SUGCT: variants seen among roughly 807,000 people sequenced by gnomAD.
The protein encoded by SUGCT is succinyl-CoA:glutarate-CoA transferase.
In SUGCT, 41 loss-of-function variants were observed where a neutral mutation model predicts 55.0. The ratio of observed to expected loss-of-function variants is 0.74; its 90% CI spans 0.58 to 0.97. The LOEUF is 0.97. Among genes scored for constraint, SUGCT ranks in the 50% least tolerant of loss-of-function variants. The pLI, the probability that SUGCT is intolerant of heterozygous loss-of-function variation, is 0.00. For synonymous variants in SUGCT, 187 were observed against 200.4 expected (o/e 0.93, Z 0.56); for missense variants, 568 against 547.8 (o/e 1.04, Z -0.37).
At chr7:40,490,562 G>A (rs978848077) in intron 11 of SUGCT, among the ~76,000 whole-genome samples, 1 of 152,118 alleles carries the variant, frequency 6.6e-6, no homozygotes. Context: ...GTTTTTTGGT[G>A]CAATAGGATG....
the SUGCT span, among the ~76,000 whole-genome samples, chr7:40,930,353 G>A: frequency 1.7e-4 from 26 of 152,274 alleles, no homozygotes; most frequent in Middle Eastern, 3.4e-3. Flanking sequence ...GTTAAGTAGC[G>A]TGATGCCTCC....
rs567138280 is a variant in SUGCT, at chr7:40,161,263, T to A, written c.101-19684T>A. Among the ~76,000 whole-genome samples the A allele has an allele frequency of 4.6e-5, 7 of 152,284 alleles. No homozygotes were observed. The East Asian group carries it at 1.2e-3, about 25-fold the overall frequency. ...AAACAAAATCAAATCATAAAACAAA[T>A]CTCTCACATATGTATCGCCCCCACG... On this transcript the variant is annotated intron_variant, in intron 1 of 13. Coordinates refer to ENST00000335693, the MANE Select transcript of SUGCT (RefSeq NM_001193313.2).
rs573461460 is a variant in SUGCT at position 40,575,335 on chromosome 7, AAAC to A, written c.1089+78967_1089+78969del. ...TAATTTCTTACCAACGTTATTTAAA[AAAC>A]AACAACAACAACAACAAAAAACTAA... On this transcript the variant is annotated intron_variant, in intron 12 of 13. Coordinates refer to ENST00000335693, the MANE Select transcript of SUGCT (RefSeq NM_001193313.2). Among the ~76,000 whole-genome samples the A allele has an allele frequency of 1.9e-4, 29 of 152,256 alleles. 1 individual carries two copies. Among genetic ancestry groups the A allele is most frequent in the Non-Finnish European group, 2.9e-4 (20 of 68,000 alleles).
chr7:40,667,190 G>A (rs1273063987), intron 12 of SUGCT, among the ~76,000 whole-genome samples: 1 of 151,168 alleles, frequency 6.6e-6, no homozygotes, highest in Non-Finnish European at 1.5e-5. Context: ...AACATTTTAT[G>A]TGTCTATTTA....
the SUGCT span, among the ~76,000 whole-genome samples, chr7:40,875,568 A>G: frequency 6.6e-6 from 1 of 152,292 alleles, no homozygotes; most frequent in South Asian, 2.1e-4. Flanking sequence ...CTAGAAATCA[A>G]CCTGAAGTGA....
chr7:40,183,227 C>T (rs867365292), intron 3 of SUGCT, among the ~76,000 whole-genome samples: 4 of 152,284 alleles, frequency 2.6e-5, no homozygotes, highest in South Asian at 2.1e-4. Flanking sequence ...GAGCCGAGGT[C>T]GTGCCACTGC....
intron 9 of SUGCT, among the ~76,000 whole-genome samples, chr7:40,376,501 C>T (rs1784551953): frequency 6.6e-6 from 1 of 151,918 alleles, no homozygotes; most frequent in African/African-American, 2.4e-5. Context: ...AAGCGATTCT[C>T]CTGCCTCAGC....
chr7:40,684,009 G>A (rs1784361388), intron 12 of SUGCT: 1 of 1,608,822 alleles, frequency 6.2e-7, no homozygotes, highest in Admixed American at 1.7e-5. Context: ...TCAAATCCTT[G>A]TGGTTGTATG....
chr7:40,674,421 T>C (rs981296191), intron 12 of SUGCT, among the ~76,000 whole-genome samples: 1 of 152,214 alleles, frequency 6.6e-6, no homozygotes, highest in Non-Finnish European at 1.5e-5. Flanking sequence ...TTTTATGAAA[T>C]GTCCTTCCCT....
rs932620004 is a variant in SUGCT at position 40,350,927 on chromosome 7, G to A, written c.816+34072G>A. Among the ~76,000 whole-genome samples, 88 of 152,076 alleles carry A rather than the reference G, an allele frequency of 5.8e-4. No homozygotes were observed. In the Middle Eastern group the frequency reaches 0.017, roughly 29 times the overall value. ...CTTGTGTTAGTTTGCGGAGAATGAT[G>A]GGTTCCAGTTTCATCCATGTCCCAG... On this transcript the variant is annotated intron_variant, in intron 9 of 13. Coordinates refer to ENST00000335693, the MANE Select transcript of SUGCT (RefSeq NM_001193313.2).
intron 1 of SUGCT, among the ~76,000 whole-genome samples, chr7:40,155,904 C>G (rs1017267057): frequency 2.0e-5 from 3 of 148,128 alleles, no homozygotes; most frequent in African/African-American, 7.5e-5. Flanking sequence ...GTAGCCCAGG[C>G]TAGAGTGCAG....
intron 9 of SUGCT, among the ~76,000 whole-genome samples, chr7:40,381,805 T>C (rs1355361901): frequency 6.6e-6 from 1 of 152,164 alleles, no homozygotes; most frequent in Non-Finnish European, 1.5e-5. Context: ...CTATATGCCA[T>C]TTGGAAAAGT....
chr7:40,154,188 C>T (rs990635062), intron 1 of SUGCT: 5 of 183,322 alleles, frequency 2.7e-5, no homozygotes, highest in Non-Finnish European at 4.7e-5. Context: ...TAATAGTACT[C>T]GTACTTCCCA....
the SUGCT span, among the ~76,000 whole-genome samples, chr7:40,940,733 A>C: frequency 6.6e-6 from 1 of 152,090 alleles, no homozygotes; most frequent in Non-Finnish European, 1.5e-5. Flanking sequence ...TTGATTTTGT[A>C]ACCTGAGACT....
chr7:40,610,340 C>G (rs1382616437), intron 12 of SUGCT, among the ~76,000 whole-genome samples: 3 of 152,220 alleles, frequency 2.0e-5, no homozygotes, highest in Admixed American at 1.3e-4. Context: ...AACCTTTTCT[C>G]TTCTTGCTTT....
At chr7:40,711,275 G>A (rs1045760349) in intron 12 of SUGCT, among the ~76,000 whole-genome samples, 2 of 152,208 alleles carry the variant, frequency 1.3e-5, no homozygotes, top group African/African-American at 4.8e-5. Flanking sequence ...ACTTTGGGAC[G>A]CTGAGGTGGG....
intron 7 of SUGCT, among the ~76,000 whole-genome samples, chr7:40,262,794 T>C (rs1278247451): frequency 6.6e-6 from 1 of 152,196 alleles, no homozygotes; most frequent in Non-Finnish European, 1.5e-5. Context: ...AGATGAGGAA[T>C]ATTGATGTAT....
chr7:40,904,496 A>G, the SUGCT span, among the ~76,000 whole-genome samples: 1 of 152,258 alleles, frequency 6.6e-6, no homozygotes, highest in Admixed American at 6.5e-5. Flanking sequence ...AGTCAAATTC[A>G]TAGTGACAGA....
chr7:40,921,241 T>A, the SUGCT span, among the ~76,000 whole-genome samples: 1 of 152,130 alleles, frequency 6.6e-6, no homozygotes, highest in Non-Finnish European at 1.5e-5. Context: ...TTATTTATTT[T>A]TTTACAAAAT....
Sources: gnomAD v4.1 joint callset for allele counts (sites outside exome capture counted in the v4.1 genomes callset) on GRCh38, gnomAD v4.1.1 for gene constraint, MANE v1.5 for transcripts, NCBI Gene and HGNC (gene_info 2026-07-23, HGNC 2026-07-21) for gene names.